Variants in SARAF observed in about 807,000 individuals in gnomAD.
SARAF encodes store-operated calcium entry associated regulatory factor.
Under a neutral mutation model 39.7 loss-of-function variants are expected in SARAF, and 23 were observed. The ratio of observed to expected loss-of-function variants is 0.58; its 90% CI spans 0.42 to 0.82. The LOEUF is 0.82. Among genes scored for constraint, SARAF ranks in the 40% least tolerant of loss-of-function variants. SARAF has a pLI of 0.00. For missense variants in SARAF, 384 were observed against 418.5 expected, an observed-to-expected ratio of 0.92 and a Z score of 0.72; for synonymous variants, 175 against 168.5, an observed-to-expected ratio of 1.04 and a Z score of -0.30.
At chr8:30,069,416 A>G (rs755517198) in intron 3 of SARAF, among the ~76,000 whole-genome samples, 1 of 152,160 alleles carries the variant, frequency 6.6e-6, no homozygotes, top group Non-Finnish European at 1.5e-5. Context: ...CTGGGATTAC[A>G]GGCGTGAGCC....
chr8:30,066,013 T>C lies in SARAF; in HGVS notation c.969A>G (p.Ser323=). ...CTGATGCAGTTCTGGTTTTCGTGTCTGAGTTTGAACATACCGAATAGCTGC... is the reference window on the plus strand; with the variant it reads ...CTGATGCAGTTCTGGTTTTCGTGTCCGAGTTTGAACATACCGAATAGCTGC... ...GSGSYSVCSN[S]DTKTRTASGY... is the part of the protein sequence containing the mutation. Residue 323 remains serine, a synonymous_variant, in exon 5 of 6, where the codon TCA becomes TCG. Coordinates refer to ENST00000256255, the MANE Select transcript of SARAF (RefSeq NM_016127.6). The C allele has an allele frequency of 6.2e-7, 1 of 1,614,138 alleles. No individual in the cohort carries two copies. Among genetic ancestry groups the C allele is most frequent in the Non-Finnish European group, 8.5e-7 (1 of 1,180,008 alleles).
chr8:30,083,024 T>A lies in SARAF; in HGVS notation c.-75A>T. ...CTGGGTGCGGTAGCGCGCGCGACGC[T>A]GCGCAGCTACACCGCTACCCCTGGC... is the stretch of plus-strand genomic sequence containing the variant. On this transcript the variant is annotated 5_prime_UTR_variant, in exon 1 of 6. Transcript: ENST00000256255. 8.7e-7 allele frequency: 1 copy of A among 1,153,434 alleles called. No homozygotes were observed. Among genetic ancestry groups the A allele is most frequent in the South Asian group, 1.5e-5 (1 of 66,504 alleles). 71.4% of individuals were successfully genotyped at this position (1,153,434 alleles called of 1,614,324 possible). A position where few individuals can be genotyped will look rare whatever the true frequency, so the allele number is the denominator to read the frequency against.
intron 1 of SARAF, among the ~76,000 whole-genome samples, chr8:30,081,730 CA>C (rs1215356725): frequency 2.4e-3 from 67 of 27,830 alleles, no homozygotes; most frequent in African/African-American, 7.1e-3. Flanking sequence ...ATGTTGTTTT[CA>C]TTTTTTTTTT....
chr8:30,065,471 C>T (rs1484574158), intron 5 of SARAF, among the ~76,000 whole-genome samples: 1 of 152,174 alleles, frequency 6.6e-6, no homozygotes, highest in Non-Finnish European at 1.5e-5. Flanking sequence ...CAAAGCTACT[C>T]CAGAGCAATC....
At chr8:30,069,528 A>G (rs1326070600) in intron 3 of SARAF, 114 bp downstream of exon 3, 2 of 1,097,276 alleles carry the variant, frequency 1.8e-6, no homozygotes, top group Non-Finnish European at 2.6e-6. Context: ...AAACAAAATG[A>G]GAAGACAAAC....
rs776786929 is a variant in SARAF at position 30,082,944 on chromosome 8, G to A, written c.6C>T (p.Ala2=). M[A]AACGPGAAGY... Reference sequence around the variant, plus strand: ...CGGCCGCTCCCGGCCCGCAGGCTGCGGCCATGGCGCTCGATGAAGATGGCG... The same window carrying A: ...CGGCCGCTCCCGGCCCGCAGGCTGCAGCCATGGCGCTCGATGAAGATGGCG... The change falls in exon 1 of 6, where the codon GCC becomes GCT. Residue 2 remains alanine (A), a synonymous_variant. Transcript: ENST00000256255. 254 of 1,543,498 alleles carry A rather than the reference G, an allele frequency of 1.6e-4. No individual in the cohort carries two copies. The highest frequency in any genetic ancestry group is 2.1e-4 in the Non-Finnish European group (237 of 1,145,468).
chr8:30,074,655 T>C (rs1323307161), intron 1 of SARAF, among the ~76,000 whole-genome samples: 1 of 152,184 alleles, frequency 6.6e-6, no homozygotes, highest in African/African-American at 2.4e-5. Flanking sequence ...ATGTATATAA[T>C]AACAACATGA....
intron 1 of SARAF, among the ~76,000 whole-genome samples, chr8:30,081,276 G>A (rs1802092870): frequency 6.6e-6 from 1 of 152,174 alleles, no homozygotes; most frequent in South Asian, 2.1e-4. Context: ...GATAAACCAG[G>A]AAGTGGTTCA....
Position 30,066,830 on chromosome 8 carries a change from G to A in SARAF, c.789C>T (p.Phe263=). Residue 263 remains phenylalanine (F), a synonymous_variant, in exon 4 of 6, where the codon TTC becomes TTT. Coordinates refer to ENST00000256255, the MANE Select transcript of SARAF (RefSeq NM_016127.6). ...TTCCACCAGTTCCCAAGCCTGTCCA[G>A]AACCCTGGTCCTGAATTTTCATATC... ...QQGYENSGPG[F]WTGLGTGGIL... is the part of the protein sequence containing the mutation. 1 of 1,614,154 alleles carries A rather than the reference G, an allele frequency of 6.2e-7. No homozygotes were observed. The highest frequency in any genetic ancestry group is 1.1e-5 in the South Asian group (1 of 91,082).
chr8:30,067,120 G>A, intron 3 of SARAF: 1 of 579,778 alleles, frequency 1.7e-6, no homozygotes, highest in Non-Finnish European at 3.0e-6. Flanking sequence ...ATAGATATGG[G>A]AGGAGAGGGA....
rs1308251162 is a variant in SARAF, at chr8:30,082,963, G to A, written c.-14C>T. ...GGCTGCGGCCATGGCGCTCGATGAA[G>A]ATGGCGCCGGGCTGCCAGACGCCTA... On this transcript the variant is annotated 5_prime_UTR_variant, in exon 1 of 6. Transcript: ENST00000256255. The A allele has an allele frequency of 4.6e-6, 7 of 1,536,724 alleles. No individual in the cohort carries two copies. The Admixed American group carries it at 1.2e-4, about 26-fold the overall frequency.
chr8:30,074,519 G>A (rs1801915477), intron 1 of SARAF, among the ~76,000 whole-genome samples: 1 of 152,166 alleles, frequency 6.6e-6, no homozygotes, highest in Non-Finnish European at 1.5e-5. Context: ...TAGAATTCAT[G>A]TATCAAACTA....
chr8:30,074,230 A>G (rs1801907750), intron 1 of SARAF, among the ~76,000 whole-genome samples, 175 bp from the exon 2 acceptor site: 1 of 152,254 alleles, frequency 6.6e-6, no homozygotes, highest in Non-Finnish European at 1.5e-5. Context: ...CTTCTGAACA[A>G]AATTCAGGTC....
Position 30,073,061 on chromosome 8 carries a change from A to G in SARAF, c.282+816T>C, listed in dbSNP as rs528238726. Among the ~76,000 whole-genome samples the G allele has an allele frequency of 4.6e-5, 7 of 152,364 alleles. No individual in the cohort carries two copies. The South Asian group carries it at 1.4e-3, about 32-fold the overall frequency. On this transcript the variant is annotated intron_variant, in intron 2 of 5. Coordinates refer to ENST00000256255, the MANE Select transcript of SARAF (RefSeq NM_016127.6). ...TATAACCCAGAGAATTCTATGATTCAACTTAGCAGTACTGGGGGAAAATAT... is the reference window on the plus strand; with the variant it reads ...TATAACCCAGAGAATTCTATGATTCGACTTAGCAGTACTGGGGGAAAATAT...
intron 2 of SARAF, among the ~76,000 whole-genome samples, chr8:30,072,592 C>G (rs992926937): frequency 3.9e-5 from 6 of 152,194 alleles, no homozygotes; most frequent in African/African-American, 1.4e-4. Context: ...ATCATGCGTA[C>G]TTACAAGTAG....
chr8:30,069,197 T>TGGCGCAATCTCGGCTC (rs1801769818), intron 3 of SARAF, among the ~76,000 whole-genome samples: 1 of 137,358 alleles, frequency 7.3e-6, no homozygotes, highest in African/African-American at 2.8e-5. Context: ...TGGAGTGCAG[T>TGGCGCAATCTCGGCTC]GGCGCAATCT....
chr8:30,070,544 G>T (rs16876410), intron 2 of SARAF, among the ~76,000 whole-genome samples: 9,427 of 152,194 alleles, frequency 0.062, 365 homozygotes, highest in African/African-American at 0.11. Flanking sequence ...AGATAATGGT[G>T]GTATCTGTGT....
intron 3 of SARAF, among the ~76,000 whole-genome samples, chr8:30,068,295 G>A (rs573447456): frequency 1.3e-5 from 2 of 152,114 alleles, no homozygotes; most frequent in African/African-American, 4.8e-5. Context: ...GATTCTCATA[G>A]GAGCACAAAC....
chr8:30,071,440 C>G (rs1801840016), intron 2 of SARAF, among the ~76,000 whole-genome samples: 1 of 152,178 alleles, frequency 6.6e-6, no homozygotes, highest in Non-Finnish European at 1.5e-5. Flanking sequence ...TTTCCTCTTT[C>G]AAAGTTCACA....
Sources: allele counts gnomAD v4.1 joint callset (sites outside exome capture counted in the v4.1 genomes callset), GRCh38; gene constraint gnomAD v4.1.1; transcripts MANE v1.5; gene names NCBI Gene and HGNC (gene_info 2026-07-23, HGNC 2026-07-21).